MAGI2: variants seen among roughly 807,000 people sequenced by gnomAD.
The protein encoded by MAGI2 is membrane associated guanylate kinase, WW and PDZ domain containing 2, also known as membrane-associated guanylate kinase, WW and PDZ domain-containing protein 2.
In MAGI2, 35 loss-of-function variants were observed where a neutral mutation model predicts 133.3. That is an observed-to-expected ratio of 0.26 (90% CI 0.20 to 0.35). The LOEUF (loss-of-function observed/expected upper bound fraction) is 0.35. Ranked by LOEUF, MAGI2 falls within the 10% of genes least tolerant of loss-of-function variation. The pLI is 1.00. For missense variants in MAGI2, 1,636 were observed against 1,863.4 expected, an observed-to-expected ratio of 0.88 and a Z score of 2.25; for synonymous variants, 729 against 710.6, an observed-to-expected ratio of 1.03 and a Z score of -0.41.
intron 1 of MAGI2, among the ~76,000 whole-genome samples, chr7:79,224,013 A>G (rs528147710): frequency 6.6e-6 from 1 of 152,200 alleles, no homozygotes; most frequent in African/African-American, 2.4e-5. Context: ...TGAAGTGTTA[A>G]CTGTAAGCAT....
At chr7:78,554,217 A>T (rs1799595785) in intron 3 of MAGI2, among the ~76,000 whole-genome samples, 1 of 152,194 alleles carries the variant, frequency 6.6e-6, no homozygotes, top group Admixed American at 6.5e-5. Flanking sequence ...CCACACTGTC[A>T]TGATTACACA....
rs377192755 is a variant in MAGI2 at position 79,018,745 on chromosome 7, A to T, written c.302-11539T>A. ...CAAACAGAAAAAAGCAGAGGTTGCT[A>T]TTCTAATTTCAGACAAAACAGACTT... On this transcript the variant is annotated intron_variant, in intron 1 of 21. Transcript: ENST00000354212. 3.3e-5 allele frequency among the ~76,000 whole-genome samples: 5 copies of T among 152,330 alleles called. No homozygotes were observed. In the East Asian group the frequency reaches 9.7e-4, roughly 29 times the overall value.
In MAGI2 at chr7:79,171,770, A is replaced by ATTTTTTTT. The variant is rs144599296; in HGVS notation, c.302-164572_302-164565dup. ...TATATATATATATATATATATATAT[A>ATTTTTTTT]TTTTTTTTTTTTTTTTCTTTTAAAG... On this transcript the variant is annotated intron_variant, in intron 1 of 21. Transcript: ENST00000354212. Among the ~76,000 whole-genome samples the ATTTTTTTT allele has an allele frequency of 1.8e-3, 57 of 31,206 alleles. 2 individuals carry two copies. Among genetic ancestry groups the ATTTTTTTT allele is most frequent in the East Asian group, 5.2e-3 (8 of 1,534 alleles). The allele number at this position is 31,206 out of a possible 152,430, so 20.5% of individuals were successfully genotyped here.
intron 2 of MAGI2, among the ~76,000 whole-genome samples, chr7:78,917,886 G>T (rs12705836): frequency 6.6e-6 from 1 of 151,976 alleles, no homozygotes; most frequent in Non-Finnish European, 1.5e-5. Context: ...CATAAGGCAA[G>T]GTGTGGGGTA....
At chr7:78,787,534 T>C (rs1826937800) in intron 2 of MAGI2, among the ~76,000 whole-genome samples, 1 of 152,196 alleles carries the variant, frequency 6.6e-6, no homozygotes, top group Non-Finnish European at 1.5e-5. Flanking sequence ...TGACACAAAA[T>C]ATTTAAATTT....
At chr7:78,276,443 G>C (rs1795063108) in intron 9 of MAGI2, among the ~76,000 whole-genome samples, 1 of 151,844 alleles carries the variant, frequency 6.6e-6, no homozygotes, top group African/African-American at 2.4e-5. Context: ...GGAAAGATTA[G>C]AGCTAAGTGG....
At chr7:78,139,045 T>G (rs1240661893) in intron 16 of MAGI2, among the ~76,000 whole-genome samples, 1 of 152,178 alleles carries the variant, frequency 6.6e-6, no homozygotes, top group East Asian at 1.9e-4. Context: ...TCAAAGCCAT[T>G]TTAACTTTAT....
intron 1 of MAGI2, among the ~76,000 whole-genome samples, chr7:79,151,578 A>G (rs1438722109): frequency 6.6e-6 from 1 of 151,980 alleles, no homozygotes; most frequent in Non-Finnish European, 1.5e-5. Flanking sequence ...GTGACTGAGT[A>G]TACATTAGAA....
rs567437864 is a variant in MAGI2 at position 79,387,825 on chromosome 7, T to C, written c.301+65195A>G. ...TTCTTTTTTTAAATTTGGAACATGA[T>C]GGAAATTTTAATAAATTTTTCAAAA... On this transcript the variant is annotated intron_variant, in intron 1 of 21. Coordinates refer to ENST00000354212, the MANE Select transcript of MAGI2 (RefSeq NM_012301.4). Among the ~76,000 whole-genome samples, 34 of 152,068 alleles carry C rather than the reference T, an allele frequency of 2.2e-4. No homozygotes were observed. The South Asian group carries it at 6.8e-3, about 31-fold the overall frequency.
intron 1 of MAGI2, among the ~76,000 whole-genome samples, chr7:79,149,707 C>T (rs769285234): frequency 1.3e-5 from 2 of 152,072 alleles, no homozygotes; most frequent in African/African-American, 2.4e-5. Flanking sequence ...AGGCTCAGAG[C>T]CTTAGGTAGG....
intron 1 of MAGI2, among the ~76,000 whole-genome samples, chr7:79,051,670 A>G (rs1010888899): frequency 3.3e-5 from 5 of 152,138 alleles, no homozygotes; most frequent in African/African-American, 1.2e-4. Flanking sequence ...TTATTTTGAA[A>G]CAACAAATAT....
intron 1 of MAGI2, among the ~76,000 whole-genome samples, chr7:79,449,558 T>C (rs1563236208): frequency 6.6e-6 from 1 of 151,970 alleles, no homozygotes. Flanking sequence ...AGAAGACCTT[T>C]AGCACTTCCA....
chr7:78,209,772 T>C (rs1466901363), intron 10 of MAGI2, among the ~76,000 whole-genome samples: 1 of 152,214 alleles, frequency 6.6e-6, no homozygotes, highest in Non-Finnish European at 1.5e-5. Flanking sequence ...TTCAGTGAAT[T>C]CCTGTTACAG....
chr7:79,118,706 G>T (rs1328560187), intron 1 of MAGI2, among the ~76,000 whole-genome samples: 1 of 151,934 alleles, frequency 6.6e-6, no homozygotes, highest in Non-Finnish European at 1.5e-5. Flanking sequence ...CCTTTTCTTG[G>T]TTCCTTTCCT....
intron 2 of MAGI2, among the ~76,000 whole-genome samples, chr7:78,753,816 A>G (rs542043993): frequency 1.3e-5 from 2 of 152,316 alleles, no homozygotes; most frequent in South Asian, 2.1e-4. Flanking sequence ...CATATTATAC[A>G]GAGGGAAGTA....
rs1384265052 is a variant in MAGI2 at position 79,213,354 on chromosome 7, ATT to A, written c.302-206150_302-206149del. The stretch of plus-strand genomic sequence containing the variant: ...CACACACACACACACACACACATAT[ATT>A]TTTTCTTTTTTGAGATGGAGAATCA... On this transcript the variant is annotated intron_variant, in intron 1 of 21. Transcript: ENST00000354212. Among the ~76,000 whole-genome samples the A allele has an allele frequency of 3.5e-4, 53 of 150,300 alleles. 1 individual carries two copies. In the East Asian group the frequency reaches 9.8e-3, roughly 28 times the overall value.
intron 1 of MAGI2, among the ~76,000 whole-genome samples, chr7:79,431,050 C>T: frequency 6.6e-6 from 1 of 152,134 alleles, no homozygotes. Context: ...TTCACTCAGG[C>T]TGGAAATAAT....
At chr7:79,044,454 T>TA (rs1811982168) in intron 1 of MAGI2, among the ~76,000 whole-genome samples, 2 of 152,118 alleles carry the variant, frequency 1.3e-5, no homozygotes, top group Non-Finnish European at 2.9e-5. Flanking sequence ...GACTCATCCA[T>TA]AAAAAACCAC....
chr7:79,193,426 T>A (rs953349946), intron 1 of MAGI2, among the ~76,000 whole-genome samples: 12 of 151,980 alleles, frequency 7.9e-5, no homozygotes, highest in Non-Finnish European at 1.5e-5. Flanking sequence ...GAATTAACAT[T>A]GTATAGTATT....
Sources: allele counts gnomAD v4.1 joint callset (sites outside exome capture counted in the v4.1 genomes callset), GRCh38; gene constraint gnomAD v4.1.1; transcripts MANE v1.5; gene names NCBI Gene and HGNC (gene_info 2026-07-23, HGNC 2026-07-21).